Variants in SLC22A25 observed in about 807,000 individuals in gnomAD.
SLC22A25 encodes the protein MGI:2442751, MGI:2385316, MGI:3042283, MGI:3645714, MGI:3605624, MGI:2442750.
Under a neutral mutation model 45.9 loss-of-function variants are expected in SLC22A25, and 44 were observed. The observed-to-expected ratio is 0.96, with a 90% CI of 0.75 to 1.23. The LOEUF is 1.23. SLC22A25 is among the 50% of genes most tolerant of loss of function. SLC22A25 has a pLI of 0.00. For missense variants in SLC22A25, 800 were observed against 666.4 expected (o/e 1.20, Z -2.21); for synonymous variants, 283 against 238.6 (o/e 1.19, Z -1.72).
intron 3 of SLC22A25, among the ~76,000 whole-genome samples, chr11:63,231,954 A>T (rs1037239267): frequency 7.2e-5 from 11 of 152,010 alleles, no homozygotes; most frequent in Admixed American, 2.0e-4. Context: ...GATATGTGGC[A>T]TTATTTCTGA....
At chr11:63,202,263 T>TA (rs2089269523) in intron 7 of SLC22A25, among the ~76,000 whole-genome samples, 1 of 151,788 alleles carries the variant, frequency 6.6e-6, no homozygotes, top group African/African-American at 2.4e-5. Context: ...TTTTTTTTTT[T>TA]AATACCCCAG....
At chr11:63,230,693 C>T (rs991608023) in intron 3 of SLC22A25, among the ~76,000 whole-genome samples, 1 of 152,134 alleles carries the variant, frequency 6.6e-6, no homozygotes, top group Admixed American at 6.5e-5. Flanking sequence ...GGTACATGTG[C>T]ACAACGTGCA....
chr11:63,163,681 G>A lies in SLC22A25; in HGVS notation c.*143C>T. 8.2e-7 allele frequency: 1 copy of A among 1,215,660 alleles called. No homozygotes were observed. The highest frequency in any genetic ancestry group is 2.4e-5 in the East Asian group (1 of 41,764). 75.3% of individuals were successfully genotyped at this position (1,215,660 alleles called of 1,614,324 possible). On this transcript the variant is annotated 3_prime_UTR_variant, in exon 12 of 12. Coordinates refer to ENST00000306494, the MANE Select transcript of SLC22A25 (RefSeq NM_199352.6). ...AGAGATGGTCTGTGTGATCTAGTGA[G>A]GCTCAGGGGATGTATGAGGTCACTG...
intron 3 of SLC22A25, among the ~76,000 whole-genome samples, chr11:63,231,612 A>T (rs570606330): frequency 6.6e-6 from 1 of 152,106 alleles, no homozygotes; most frequent in Non-Finnish European, 1.5e-5. Context: ...GTTCACTCTG[A>T]TGGTAGTTTC....
Position 63,224,730 on chromosome 11 carries a change from G to T in SLC22A25, c.506+3731C>A, listed in dbSNP as rs530881401. Among the ~76,000 whole-genome samples the T allele has an allele frequency of 2.4e-3, 359 of 152,270 alleles. 1 individual carries two copies. Among genetic ancestry groups the T allele is most frequent in the African/African-American group, 8.1e-3 (336 of 41,552 alleles). On this transcript the variant is annotated intron_variant, in intron 5 of 11. Coordinates refer to ENST00000306494, the MANE Select transcript of SLC22A25 (RefSeq NM_199352.6). ...AGGCAAAAAGAAAACTAATACAACT[G>T]CATACTTTACCTCGATCTCTCTGCT...
chr11:63,189,641 G>A (rs183635489), intron 7 of SLC22A25, among the ~76,000 whole-genome samples: 62 of 152,228 alleles, frequency 4.1e-4, no homozygotes, highest in Non-Finnish European at 8.4e-4. Flanking sequence ...TCCTAGCATC[G>A]ATGGTCTTTA....
intron 8 of SLC22A25, among the ~76,000 whole-genome samples, chr11:63,182,135 TA>T (rs147554304): frequency 6.6e-6 from 1 of 151,994 alleles, no homozygotes; most frequent in Admixed American, 6.6e-5. Context: ...ATTTACAAAA[TA>T]AAAAAATCAA....
rs150900100 is a variant in SLC22A25 at position 63,230,896 on chromosome 11, C to T, written c.-444-800G>A. 7.6e-3 allele frequency among the ~76,000 whole-genome samples: 1,155 copies of T among 152,052 alleles called. 24 individuals are homozygous for T. The highest frequency in any genetic ancestry group is 6.5e-3 in the Non-Finnish European group (442 of 67,978). On this transcript the variant is annotated intron_variant, in intron 3 of 11. Transcript: ENST00000306494. ...ATTCCCACCTATGAGTGAGAACATG[C>T]GGTGTTTGGTTTTTTGTCCTTGAGA... is the stretch of plus-strand genomic sequence containing the variant.
intron 2 of SLC22A25, among the ~76,000 whole-genome samples, chr11:63,238,365 A>G (rs1473208392): frequency 6.7e-6 from 1 of 148,380 alleles, no homozygotes; most frequent in African/African-American, 2.6e-5. Flanking sequence ...CTCTGGGTGT[A>G]CAGTCTGGGC....
intron 9 of SLC22A25, among the ~76,000 whole-genome samples, chr11:63,173,453 A>G (rs1373573534): frequency 2.6e-5 from 4 of 152,154 alleles, no homozygotes; most frequent in African/African-American, 7.2e-5. Flanking sequence ...ATTGTAGTGA[A>G]TACTTATAAT....
chr11:63,159,173 G>T lies in SLC22A25; in HGVS notation c.*4651C>A, dbSNP rs2087516649. On this transcript the variant is annotated 3_prime_UTR_variant, in exon 12 of 12. Transcript: ENST00000306494. ...AATTCATCTGCTGATGGACACTTAGGTTGCTTCCAAACCTTGGCCATTGTG... is the reference window on the plus strand; with the variant it reads ...AATTCATCTGCTGATGGACACTTAGTTTGCTTCCAAACCTTGGCCATTGTG... Among the ~76,000 whole-genome samples, 1 of 152,086 alleles carries T rather than the reference G, an allele frequency of 6.6e-6. No homozygotes were observed. Among genetic ancestry groups the T allele is most frequent in the South Asian group, 2.1e-4 (1 of 4,804 alleles).
chr11:63,218,704 A>G (rs545803434), intron 5 of SLC22A25, among the ~76,000 whole-genome samples: 20 of 152,238 alleles, frequency 1.3e-4, no homozygotes, highest in African/African-American at 4.6e-4. Context: ...ATGAAACAAT[A>G]CATCAGAGTG....
In SLC22A25 at chr11:63,220,677, A is replaced by G. The variant is rs557862593; in HGVS notation, c.507-2942T>C. Among the ~76,000 whole-genome samples, 91 of 152,314 alleles carry G rather than the reference A, an allele frequency of 6.0e-4. 2 individuals are homozygous for G. The South Asian group carries it at 0.018, about 30-fold the overall frequency. ...GTACAATTAAATTATTACTGACTGC[A>G]GTCACCGTGTTGTGTGATCAAATAC... On this transcript the variant is annotated intron_variant, in intron 5 of 11. Transcript: ENST00000306494.
At chr11:63,190,047 A>T (rs1387190998) in intron 7 of SLC22A25, among the ~76,000 whole-genome samples, 1 of 152,124 alleles carries the variant, frequency 6.6e-6, no homozygotes, top group African/African-American at 2.4e-5. Flanking sequence ...CTTGAGGAGT[A>T]TCTTTGTGGT....
At chr11:63,203,373 A>G (rs2089304866) in intron 7 of SLC22A25, among the ~76,000 whole-genome samples, 1 of 152,042 alleles carries the variant, frequency 6.6e-6, no homozygotes, top group Admixed American at 6.6e-5. Flanking sequence ...CTAAAGGAGC[A>G]TGTTCTAACC....
chr11:63,188,846 T>C (rs1363609766), intron 7 of SLC22A25, among the ~76,000 whole-genome samples: 1 of 152,210 alleles, frequency 6.6e-6, no homozygotes, highest in Admixed American at 6.5e-5. Context: ...TTCCATGTAG[T>C]TGAGTGGTTT....
intron 9 of SLC22A25, among the ~76,000 whole-genome samples, chr11:63,170,767 A>G (rs1326578304): frequency 6.6e-6 from 1 of 151,996 alleles, no homozygotes; most frequent in Admixed American, 6.6e-5. Flanking sequence ...CCTTCTGAAA[A>G]TTCTTCAAAT....
intron 7 of SLC22A25, among the ~76,000 whole-genome samples, chr11:63,189,218 T>G (rs2088693345): frequency 6.6e-6 from 1 of 152,220 alleles, no homozygotes; most frequent in South Asian, 2.1e-4. Context: ...GTTTTATGAA[T>G]CTGGGTACTC....
intron 7 of SLC22A25, among the ~76,000 whole-genome samples, chr11:63,212,952 T>C (rs1193647): frequency 1 from 151,872 of 152,318 alleles, 75,717 homozygotes; most frequent in Middle Eastern, 1. Flanking sequence ...CTCCAAGGAA[T>C]AGAGAGGCTT....
Sources: gnomAD v4.1 joint callset for allele counts (sites outside exome capture counted in the v4.1 genomes callset) on GRCh38, gnomAD v4.1.1 for gene constraint, MANE v1.5 for transcripts, NCBI Gene and HGNC (gene_info 2026-07-23, HGNC 2026-07-21) for gene names.